The following MCC variants were observed in gnomAD, a reference collection of about 807,000 sequenced individuals.
MCC encodes the protein colorectal mutant cancer protein.
In MCC, 90 loss-of-function variants were observed where a neutral mutation model predicts 116.2. The observed-to-expected ratio is 0.77, with a 90% CI of 0.65 to 0.92. MCC has a LOEUF of 0.92. Among genes scored for constraint, MCC ranks in the 40% least tolerant of loss-of-function variants. The pLI is 0.00. For missense variants in MCC, 1,516 were observed against 1,312.2 expected (o/e 1.16, Z -2.40); for synonymous variants, 578 against 510.5 (o/e 1.13, Z -1.78).
chr5:113,148,629 T>C (rs1759666570), intron 4 of MCC, among the ~76,000 whole-genome samples: 1 of 152,234 alleles, frequency 6.6e-6, no homozygotes, highest in Non-Finnish European at 1.5e-5. Context: ...ATGAATCTTT[T>C]ACCAAGGCAT....
intron 3 of MCC, among the ~76,000 whole-genome samples, chr5:113,340,229 G>A (rs1396740212): frequency 2.0e-5 from 3 of 152,184 alleles, no homozygotes; most frequent in African/African-American, 4.8e-5. Context: ...CATAGAAGTA[G>A]TCTAGTTATG....
At chr5:113,169,531 T>C (rs1364903954) in intron 3 of MCC, among the ~76,000 whole-genome samples, 1 of 152,032 alleles carries the variant, frequency 6.6e-6, no homozygotes, top group Non-Finnish European at 1.5e-5. Flanking sequence ...GAGAAACAAG[T>C]AAAGGTTGTT....
At chr5:113,283,714 T>C (rs1379040768) in intron 3 of MCC, among the ~76,000 whole-genome samples, 1 of 152,160 alleles carries the variant, frequency 6.6e-6, no homozygotes, top group East Asian at 1.9e-4. Flanking sequence ...TCTTTGTCAA[T>C]AAAAGCCTGT....
chr5:113,360,494 T>G (rs1054273643), intron 2 of MCC, among the ~76,000 whole-genome samples: 2 of 152,318 alleles, frequency 1.3e-5, no homozygotes, highest in South Asian at 4.1e-4. Flanking sequence ...CATCTTAGGT[T>G]ATGTGTGAGT....
chr5:113,138,750 T>G (rs1341369105), intron 5 of MCC, among the ~76,000 whole-genome samples: 1 of 152,198 alleles, frequency 6.6e-6, no homozygotes, highest in South Asian at 2.1e-4. Flanking sequence ...AGATTCAATG[T>G]CTAGTAATCT....
At chr5:113,215,760 T>C (rs78164663) in intron 3 of MCC, among the ~76,000 whole-genome samples, 3,925 of 152,282 alleles carry the variant, frequency 0.026, 56 homozygotes, top group Non-Finnish European at 0.033. Context: ...AACTTTCTGT[T>C]CTTTATTAGT....
chr5:113,257,242 G>A (rs1765042587), intron 3 of MCC, among the ~76,000 whole-genome samples: 1 of 152,132 alleles, frequency 6.6e-6, no homozygotes, highest in African/African-American at 2.4e-5. Context: ...TCTGGTGTGT[G>A]GGTCCAGAGT....
chr5:113,468,548 G>C (rs1223627533), intron 1 of MCC, among the ~76,000 whole-genome samples: 2 of 152,190 alleles, frequency 1.3e-5, no homozygotes, highest in Non-Finnish European at 2.9e-5. Flanking sequence ...GATCATGGTG[G>C]ATAAGCTTTT....
chr5:113,044,608 C>T (rs1490487120), intron 16 of MCC: 1 of 352,176 alleles, frequency 2.8e-6, no homozygotes, highest in African/African-American at 2.2e-5. Context: ...GAGTTTTGCT[C>T]TCGTTGCCCA....
chr5:113,057,243 G>T (rs1264913542), intron 14 of MCC, among the ~76,000 whole-genome samples: 1 of 152,168 alleles, frequency 6.6e-6, no homozygotes, highest in Non-Finnish European at 1.5e-5. Context: ...TTTTCTCTAG[G>T]ATTAGGATGG....
chr5:113,341,941 C>T (rs1419321200), intron 2 of MCC, among the ~76,000 whole-genome samples: 2 of 152,044 alleles, frequency 1.3e-5, no homozygotes, highest in Non-Finnish European at 2.9e-5. Flanking sequence ...ACCCATCACC[C>T]GAACAGTGTA....
At chr5:113,377,026 G>T (rs1769003311) in intron 2 of MCC, among the ~76,000 whole-genome samples, 1 of 152,192 alleles carries the variant, frequency 6.6e-6, no homozygotes, top group African/African-American at 2.4e-5. Flanking sequence ...TGGGCTGCTG[G>T]AAGCCATGAC....
intron 6 of MCC, among the ~76,000 whole-genome samples, chr5:113,107,927 G>C (rs76907267): frequency 6.6e-6 from 1 of 152,072 alleles, no homozygotes; most frequent in Non-Finnish European, 1.5e-5. Flanking sequence ...GGCAGTTGCC[G>C]AGCCCTGACT....
chr5:113,305,406 T>A (rs1279744521), intron 3 of MCC, among the ~76,000 whole-genome samples: 1 of 152,212 alleles, frequency 6.6e-6, no homozygotes, highest in Non-Finnish European at 1.5e-5. Context: ...CTAAGTTCTG[T>A]CATCACTATA....
intron 5 of MCC, among the ~76,000 whole-genome samples, chr5:113,129,658 T>A (rs1479015586): frequency 1.3e-5 from 2 of 152,042 alleles, no homozygotes; most frequent in Admixed American, 6.6e-5. Context: ...AACAACCCCA[T>A]CAAAAAGTGG....
chr5:113,138,287 A>G lies in MCC; in HGVS notation c.884+4931T>C, dbSNP rs549152447. Among the ~76,000 whole-genome samples the G allele has an allele frequency of 3.1e-4, 47 of 152,300 alleles. No homozygotes were observed. The South Asian group carries it at 4.6e-3, about 15-fold the overall frequency. ...CAGCCTCCCAAAGTGCTGGGATTAT[A>G]GGCATGAGCCACCACGCCTGGCCCA... On this transcript the variant is annotated intron_variant, in intron 5 of 18. Transcript: ENST00000408903.
At chr5:113,322,080 C>T (rs373651750) in intron 3 of MCC, among the ~76,000 whole-genome samples, 2 of 152,188 alleles carry the variant, frequency 1.3e-5, no homozygotes, top group Admixed American at 1.3e-4. Context: ...GATCCACCTG[C>T]CTCGGGCTCC....
At chr5:113,171,707 C>T (rs1761081224) in intron 3 of MCC, among the ~76,000 whole-genome samples, 1 of 152,098 alleles carries the variant, frequency 6.6e-6, no homozygotes, top group South Asian at 2.1e-4. Context: ...GGCTCTGTGG[C>T]CTGTATCATT....
chr5:113,369,716 C>A (rs557762949), intron 2 of MCC, among the ~76,000 whole-genome samples: 1 of 152,108 alleles, frequency 6.6e-6, no homozygotes, highest in Admixed American at 6.6e-5. Context: ...GTCTGTTGGG[C>A]CCAATTTAGG....
Sources: allele counts gnomAD v4.1 joint callset (sites outside exome capture counted in the v4.1 genomes callset), GRCh38; gene constraint gnomAD v4.1.1; transcripts MANE v1.5; gene names NCBI Gene and HGNC (gene_info 2026-07-23, HGNC 2026-07-21).